CLIP4: variants seen among roughly 807,000 people sequenced by gnomAD.
The protein encoded by CLIP4 is CAP-Gly domain containing linker protein family member 4.
In CLIP4, 47 loss-of-function variants were observed where a neutral mutation model predicts 73.1. The ratio of observed to expected loss-of-function variants is 0.64; its 90% CI spans 0.51 to 0.82. The LOEUF is 0.82. Among genes scored for constraint, CLIP4 ranks in the 40% least tolerant of loss-of-function variants. CLIP4 has a pLI of 0.00. For synonymous variants in CLIP4, 306 were observed against 295.4 expected (o/e 1.04, Z -0.37); for missense variants, 874 against 852.9 (o/e 1.02, Z -0.31).
chr2:29,120,081 CTA>C (rs1302726009), intron 1 of CLIP4, among the ~76,000 whole-genome samples: 1 of 152,158 alleles, frequency 6.6e-6, no homozygotes. Context: ...CTCTATAACA[CTA>C]ATTCCATGAA....
chr2:29,128,703 A>G (rs890336463), intron 2 of CLIP4, among the ~76,000 whole-genome samples: 3 of 152,138 alleles, frequency 2.0e-5, no homozygotes, highest in Non-Finnish European at 4.4e-5. Context: ...ATTCAATTTT[A>G]GCCAGCTTAA....
At chr2:29,154,847 A>T (rs192141593) in intron 9 of CLIP4, among the ~76,000 whole-genome samples, 3 of 152,286 alleles carry the variant, frequency 2.0e-5, no homozygotes, top group Non-Finnish European at 2.9e-5. Context: ...CGGAACCCAC[A>T]TCAGAACCAC....
At chr2:29,121,228 A>C in intron 1 of CLIP4, 146 bp from the exon 2 acceptor site, 1 of 786,230 alleles carries the variant, frequency 1.3e-6, no homozygotes, top group Non-Finnish European at 2.0e-6. Flanking sequence ...TTTTGCCAAA[A>C]GGAATTTTTT....
chr2:29,155,085 A>T (rs1382119931), intron 9 of CLIP4, among the ~76,000 whole-genome samples: 1 of 152,216 alleles, frequency 6.6e-6, no homozygotes, highest in African/African-American at 2.4e-5. Context: ...TTGAGATGAC[A>T]TGGACATTGC....
chr2:29,134,246 A>G (rs559436671), intron 5 of CLIP4, among the ~76,000 whole-genome samples: 37 of 152,190 alleles, frequency 2.4e-4, no homozygotes, highest in African/African-American at 8.9e-4. Context: ...ATAATATTTC[A>G]GTTTTTTTTC....
At chr2:29,134,723 G>A (rs1243188282) in intron 5 of CLIP4, among the ~76,000 whole-genome samples, 1 of 152,008 alleles carries the variant, frequency 6.6e-6, no homozygotes, top group Admixed American at 6.6e-5. Flanking sequence ...CCTTGTTATC[G>A]AAAATACTCA....
intron 8 of CLIP4, among the ~76,000 whole-genome samples, chr2:29,148,060 G>C (rs1666288437): frequency 6.6e-6 from 1 of 152,180 alleles, no homozygotes; most frequent in African/African-American, 2.4e-5. Flanking sequence ...ATCCCAAGGG[G>C]AGGCGTGCTT....
At chr2:29,160,643 G>C (rs1667226356) in intron 12 of CLIP4, among the ~76,000 whole-genome samples, 176 bp downstream of exon 12, 1 of 152,196 alleles carries the variant, frequency 6.6e-6, no homozygotes, top group African/African-American at 2.4e-5. Context: ...TACTCACGTG[G>C]ATGGTTACCC....
rs1383809771 is a variant in CLIP4 at position 29,115,547 on chromosome 2, C to T, written c.-134C>T. ...GGGCCCGGAGAGGTGTGGAGCGGCG[C>T]GGCGGGAGGCTCCGTGGGCGGCCAC... is the stretch of plus-strand genomic sequence containing the variant. On this transcript the variant is annotated 5_prime_UTR_variant, in exon 1 of 16. Coordinates refer to ENST00000320081, the MANE Select transcript of CLIP4 (RefSeq NM_024692.6). This position sits in a 1 kb window ranked among gnomAD's most constrained non-coding sequence, Gnocchi z 5.1. The T allele has an allele frequency of 6.8e-6, 1 of 147,578 alleles. No individual in the cohort carries two copies. The highest frequency in any genetic ancestry group is 1.5e-5 in the Non-Finnish European group (1 of 66,276). The allele number at this position is 147,578 out of a possible 1,614,324, so 9.1% of individuals were successfully genotyped here. A position where few individuals can be genotyped will look rare whatever the true frequency, so the allele number is the denominator to read the frequency against.
chr2:29,107,358 G>GTTTTTTTTTGTTTTTTTTTTT, intron 1 of CLIP4, among the ~76,000 whole-genome samples: 1 of 65,362 alleles, frequency 1.5e-5, no homozygotes, highest in Non-Finnish European at 3.0e-5. Context: ...GAACATGATA[G>GTTTTTTTTTGTTTTTTTTTTT]TTTTTTTTTT....
At chr2:29,165,785 G>A (rs879412729) in intron 13 of CLIP4, among the ~76,000 whole-genome samples, 4 of 152,156 alleles carry the variant, frequency 2.6e-5, no homozygotes, top group Non-Finnish European at 5.9e-5. Context: ...GATCCAATCT[G>A]ATTCCTAGTT....
chr2:29,154,621 C>T (rs1313890908), intron 9 of CLIP4, among the ~76,000 whole-genome samples: 1 of 152,146 alleles, frequency 6.6e-6, no homozygotes, highest in Non-Finnish European at 1.5e-5. Flanking sequence ...TGCCCAGGAG[C>T]AGGAAGTGTC....
chr2:29,180,053 A>T (rs1668557933), intron 15 of CLIP4, among the ~76,000 whole-genome samples: 1 of 148,594 alleles, frequency 6.7e-6, no homozygotes, highest in Non-Finnish European at 1.5e-5. Flanking sequence ...AAGTGAAATG[A>T]AATATGAAAT....
intron 15 of CLIP4, among the ~76,000 whole-genome samples, chr2:29,176,681 C>T (rs897299231): frequency 3.9e-5 from 6 of 152,128 alleles, no homozygotes; most frequent in African/African-American, 1.2e-4. Flanking sequence ...AGGCATGAGG[C>T]GTTGATTCTC....
intron 8 of CLIP4, 39 bp from the exon 9 acceptor site, chr2:29,152,646 T>C: frequency 6.3e-7 from 1 of 1,595,114 alleles, no homozygotes; most frequent in Non-Finnish European, 8.6e-7. Flanking sequence ...TTTGAAATGT[T>C]TTAATTGTTT....
chr2:29,154,167 C>T (rs967816030), intron 9 of CLIP4, among the ~76,000 whole-genome samples: 1 of 152,090 alleles, frequency 6.6e-6, no homozygotes, highest in African/African-American at 2.4e-5. Context: ...GTACTCCATA[C>T]TTTTTGGTGG....
chr2:29,123,569 C>T (rs756653422), intron 2 of CLIP4, among the ~76,000 whole-genome samples: 7 of 152,106 alleles, frequency 4.6e-5, no homozygotes, highest in Non-Finnish European at 7.4e-5. Flanking sequence ...TGAGAAGAGC[C>T]TGGGAAGAAG....
chr2:29,130,564 T>C, intron 2 of CLIP4: 1 of 1,033,490 alleles, frequency 9.7e-7, no homozygotes, highest in Non-Finnish European at 1.2e-6. Flanking sequence ...GAGCTGGGGG[T>C]GGGACTTTGG....
At chr2:29,109,347 G>A (rs1482061886) in intron 1 of CLIP4, among the ~76,000 whole-genome samples, 2 of 151,998 alleles carry the variant, frequency 1.3e-5, no homozygotes, top group African/African-American at 4.8e-5. Flanking sequence ...CTTCCTTTAT[G>A]TAGGCTTTAA....
Sources: gnomAD v4.1 joint callset for allele counts (sites outside exome capture counted in the v4.1 genomes callset) on GRCh38, gnomAD v4.1.1 for gene constraint, Gnocchi (gnomAD v3.1) non-coding constraint, MANE v1.5 for transcripts, NCBI Gene and HGNC (gene_info 2026-07-23, HGNC 2026-07-21) for gene names.